Variants in CDC42SE2 observed in about 807,000 individuals in gnomAD.
The protein encoded by CDC42SE2 is CDC42 small effector protein 2.
CDC42SE2 carries 3 observed loss-of-function variants against 11.5 expected under a neutral mutation model. The observed-to-expected ratio is 0.26, with a 90% CI of 0.12 to 0.67. The LOEUF is 0.67. CDC42SE2 is among the 30% of genes least tolerant of loss of function. The pLI is 0.80. For synonymous variants in CDC42SE2, 33 were observed against 34.8 expected (o/e 0.95, Z 0.18); for missense variants, 82 against 106.8 (o/e 0.77, Z 1.02).
intron 1 of CDC42SE2, among the ~76,000 whole-genome samples, chr5:131,305,543 A>G (rs1405625155): frequency 6.6e-6 from 1 of 152,158 alleles, no homozygotes; most frequent in Non-Finnish European, 1.5e-5. Flanking sequence ...GCTGAGATTC[A>G]TCTGTTTATT....
At chr5:131,218,353 A>G in the CDC42SE2 span, among the ~76,000 whole-genome samples, 1 of 152,178 alleles carries the variant, frequency 6.6e-6, no homozygotes, top group African/African-American at 2.4e-5. Context: ...ATATCACTAC[A>G]TGCCCCCCAA....
intron 1 of CDC42SE2, among the ~76,000 whole-genome samples, chr5:131,246,618 A>C (rs1319414682): frequency 6.6e-6 from 1 of 152,150 alleles, no homozygotes; most frequent in Non-Finnish European, 1.5e-5. Flanking sequence ...ATCTGGATAA[A>C]TAATTTTTCT....
chr5:131,268,942 G>A (rs1756935267), intron 1 of CDC42SE2, among the ~76,000 whole-genome samples: 1 of 151,906 alleles, frequency 6.6e-6, no homozygotes, highest in East Asian at 1.9e-4. Flanking sequence ...GTAGAGCCGG[G>A]GTTTCACCTT....
chr5:131,286,801 A>G (rs1757350946), intron 1 of CDC42SE2, among the ~76,000 whole-genome samples: 1 of 151,802 alleles, frequency 6.6e-6, no homozygotes, highest in Non-Finnish European at 1.5e-5. Context: ...GTAATAATAC[A>G]ATATATAATA....
rs887687784 is a variant in CDC42SE2 at position 131,392,999 on chromosome 5, G to A, written c.*1908G>A. ...TTCTAAAATATGTTTGTCCTTGCACGAATTTTGTATATTTCAAATATTTCT... is the reference window on the plus strand; with the variant it reads ...TTCTAAAATATGTTTGTCCTTGCACAAATTTTGTATATTTCAAATATTTCT... On this transcript the variant is annotated 3_prime_UTR_variant, in exon 5 of 5. Transcript: ENST00000505065. The A allele has an allele frequency of 2.0e-5, 3 of 152,308 alleles. No homozygotes were observed. Among genetic ancestry groups the A allele is most frequent in the African/African-American group, 7.2e-5 (3 of 41,428 alleles). The allele number at this position is 152,308 out of a possible 1,614,324, so 9.4% of individuals were successfully genotyped here.
the CDC42SE2 span, among the ~76,000 whole-genome samples, chr5:131,223,564 G>A: frequency 2.6e-5 from 4 of 151,996 alleles, no homozygotes; most frequent in African/African-American, 9.7e-5. Context: ...GCCTATTTCA[G>A]TTCTGTTTAT....
intron 3 of CDC42SE2, among the ~76,000 whole-genome samples, chr5:131,368,731 T>C (rs992954961): frequency 5.3e-5 from 8 of 152,218 alleles, no homozygotes; most frequent in Non-Finnish European, 1.0e-4. Context: ...CTTTAATTCT[T>C]GTCTAATCTT....
chr5:131,336,963 G>A (rs1186205018), intron 2 of CDC42SE2, among the ~76,000 whole-genome samples: 1 of 152,066 alleles, frequency 6.6e-6, no homozygotes, highest in African/African-American at 2.4e-5. Context: ...GCCTTCCTCT[G>A]TCAGCTCGTC....
At chr5:131,236,742 C>T in the CDC42SE2 span, among the ~76,000 whole-genome samples, 1 of 152,156 alleles carries the variant, frequency 6.6e-6, no homozygotes, top group Non-Finnish European at 1.5e-5. Flanking sequence ...TTACTTCTTT[C>T]CCTAATAGCT....
At chr5:131,371,218 G>A (rs1351826222) in intron 3 of CDC42SE2, among the ~76,000 whole-genome samples, 2 of 151,900 alleles carry the variant, frequency 1.3e-5, no homozygotes, top group African/African-American at 4.8e-5. Flanking sequence ...GTAAACAGAT[G>A]GTATAAACCA....
chr5:131,245,374 A>C (rs1756572588), upstream of CDC42SE2: 1 of 152,184 alleles, frequency 6.6e-6, no homozygotes, highest in Admixed American at 6.5e-5. Context: ...TTGCTATAAC[A>C]ATTGACCAGG....
intron 3 of CDC42SE2, among the ~76,000 whole-genome samples, chr5:131,362,765 A>G (rs1316766969): frequency 6.6e-6 from 1 of 152,200 alleles, no homozygotes; most frequent in Admixed American, 6.5e-5. Context: ...TTAGTAACTT[A>G]GTAATGCTGT....
chr5:131,330,620 A>C lies in CDC42SE2; in HGVS notation c.-286+14476A>C, dbSNP rs193154271. On this transcript the variant is annotated intron_variant, in intron 2 of 4. Coordinates refer to ENST00000505065, the MANE Select transcript of CDC42SE2 (RefSeq NM_001375635.1). Reference sequence around the variant, plus strand: ...GTGTCTGGAGACATTTTTGGTTGTCACAACAGGTGGAAAGGGGTACTGTTC... The same window carrying C: ...GTGTCTGGAGACATTTTTGGTTGTCCCAACAGGTGGAAAGGGGTACTGTTC... Among the ~76,000 whole-genome samples, 18 of 152,244 alleles carry C rather than the reference A, an allele frequency of 1.2e-4. No homozygotes were observed. In the East Asian group the frequency reaches 3.5e-3, roughly 29 times the overall value.
At chr5:131,363,421 G>T (rs1389850971) in intron 3 of CDC42SE2, among the ~76,000 whole-genome samples, 2 of 152,102 alleles carry the variant, frequency 1.3e-5, no homozygotes, top group Non-Finnish European at 2.9e-5. Flanking sequence ...TTGTCGCCTA[G>T]GCTGGAGTGC....
At chr5:131,273,497 G>A (rs889212139) in intron 1 of CDC42SE2, among the ~76,000 whole-genome samples, 1 of 149,462 alleles carries the variant, frequency 6.7e-6, no homozygotes, top group South Asian at 2.1e-4. Context: ...TTGGCCAGGC[G>A]CGGTGGCTCA....
chr5:131,391,167 G>T lies in CDC42SE2; in HGVS notation c.*76G>T. 2 of 720,304 alleles carry T rather than the reference G, an allele frequency of 2.8e-6. No individual in the cohort carries two copies. The highest frequency in any genetic ancestry group is 2.2e-6 in the Non-Finnish European group (1 of 458,866). 44.6% of individuals were successfully genotyped at this position (720,304 alleles called of 1,614,324 possible). ...GCCAGACATGGCCAGGCCAATAATA[G>T]TAAATATATGTATATATATATAATT... On this transcript the variant is annotated 3_prime_UTR_variant, in exon 5 of 5. Transcript: ENST00000505065.
chr5:131,347,647 T>C (rs1006501495), intron 2 of CDC42SE2, among the ~76,000 whole-genome samples: 2 of 152,214 alleles, frequency 1.3e-5, no homozygotes, highest in African/African-American at 4.8e-5. Context: ...CAATTCATTT[T>C]ATGAGGTCAA....
chr5:131,372,684 G>T (rs1209233563), intron 3 of CDC42SE2, among the ~76,000 whole-genome samples: 1 of 151,740 alleles, frequency 6.6e-6, no homozygotes, highest in Non-Finnish European at 1.5e-5. Context: ...CTGCACTCCT[G>T]CCTGGGTGAC....
At chr5:131,368,269 AAAAAG>A (rs1749919988) in intron 3 of CDC42SE2, among the ~76,000 whole-genome samples, 1 of 151,702 alleles carries the variant, frequency 6.6e-6, no homozygotes, top group Non-Finnish European at 1.5e-5. Context: ...AAAAAAAAAA[AAAAAG>A]AAGTCTTTCC....
Sources: allele counts gnomAD v4.1 joint callset (sites outside exome capture counted in the v4.1 genomes callset), GRCh38; gene constraint gnomAD v4.1.1; transcripts MANE v1.5; gene names NCBI Gene and HGNC (gene_info 2026-07-23, HGNC 2026-07-21).